The following AFG2A variants were observed in gnomAD, a reference collection of about 807,000 sequenced individuals.
AFG2A encodes the protein AAA ATPase AFG2A.
At chr4:123,294,771 A>G in the AFG2A span, among the ~76,000 whole-genome samples, 1 of 152,230 alleles carries the variant, frequency 6.6e-6, no homozygotes, top group Non-Finnish European at 1.5e-5. Context: ...AGTGATACTT[A>G]AAAGACATGA....
At chr4:122,958,103 T>C in the AFG2A span, among the ~76,000 whole-genome samples, 6 of 152,230 alleles carry the variant, frequency 3.9e-5, no homozygotes, top group Admixed American at 3.9e-4. Context: ...ATCTCTGCTT[T>C]GCGCTGAGGA....
chr4:123,186,862 A>G, the AFG2A span, among the ~76,000 whole-genome samples: 1 of 152,082 alleles, frequency 6.6e-6, no homozygotes, highest in African/African-American at 2.4e-5. Context: ...GGGAATATAG[A>G]TATGTGGGGT....
chr4:123,226,617 T>A, the AFG2A span, among the ~76,000 whole-genome samples: 4 of 152,200 alleles, frequency 2.6e-5, no homozygotes, highest in Admixed American at 2.6e-4. Context: ...TTTGCCAGTA[T>A]TTTATTGAAG....
the AFG2A span, among the ~76,000 whole-genome samples, chr4:123,202,424 C>T: frequency 6.6e-6 from 1 of 151,952 alleles, no homozygotes; most frequent in East Asian, 1.9e-4. Context: ...AATTTTATGG[C>T]CAGCAGATGA....
At chr4:123,204,990 G>A in the AFG2A span, among the ~76,000 whole-genome samples, 1 of 152,192 alleles carries the variant, frequency 6.6e-6, no homozygotes, top group East Asian at 1.9e-4. Context: ...AGAGTGGGTA[G>A]TTAAATATTT....
chr4:122,925,182 T>A, the AFG2A span, among the ~76,000 whole-genome samples: 1 of 152,150 alleles, frequency 6.6e-6, no homozygotes, highest in East Asian at 1.9e-4. Flanking sequence ...CTAAATCATG[T>A]TTATTACCTA....
At chr4:123,078,690 A>G in the AFG2A span, among the ~76,000 whole-genome samples, 21,997 of 152,122 alleles carry the variant, frequency 0.14, 2,041 homozygotes, top group East Asian at 0.46. Flanking sequence ...TAGAATGGAG[A>G]TGGCTACCAA....
the AFG2A span, among the ~76,000 whole-genome samples, chr4:123,269,867 A>G: frequency 6.6e-6 from 1 of 152,202 alleles, no homozygotes; most frequent in African/African-American, 2.4e-5. Context: ...GCCAAGCTGG[A>G]GTGCAGTGGC....
the AFG2A span, among the ~76,000 whole-genome samples, chr4:123,236,091 A>C: frequency 1.3e-5 from 2 of 152,136 alleles, no homozygotes; most frequent in Non-Finnish European, 2.9e-5. Flanking sequence ...TCCTTTGGGT[A>C]ATGTATTTTT....
the AFG2A span, among the ~76,000 whole-genome samples, chr4:122,966,663 T>C: frequency 6.6e-6 from 1 of 152,246 alleles, no homozygotes. Context: ...AAATGATTTC[T>C]GTGAGAGTCA....
chr4:123,246,828 T>C, the AFG2A span, among the ~76,000 whole-genome samples: 1 of 152,252 alleles, frequency 6.6e-6, no homozygotes, highest in African/African-American at 2.4e-5. Flanking sequence ...TCTTTGCTTA[T>C]AATATTCATT....
the AFG2A span, among the ~76,000 whole-genome samples, chr4:123,042,547 T>G: frequency 2.6e-5 from 4 of 152,194 alleles, no homozygotes; most frequent in African/African-American, 9.6e-5. Context: ...GGTGGTCTCG[T>G]TTTCATCAGG....
At chr4:123,314,362 C>T in the AFG2A span, 1 of 184,120 alleles carries the variant, frequency 5.4e-6, no homozygotes, top group Admixed American at 6.1e-5. Flanking sequence ...TTTCTTTTTC[C>T]AGAATCTGTT....
the AFG2A span, chr4:123,314,110 T>G: frequency 3.5e-6 from 5 of 1,436,800 alleles, no homozygotes; most frequent in Non-Finnish European, 4.6e-6. Flanking sequence ...CCAGAGAAAA[T>G]TTGTTTCTTT....
chr4:123,170,190 T>G, the AFG2A span, among the ~76,000 whole-genome samples: 4 of 152,196 alleles, frequency 2.6e-5, no homozygotes, highest in African/African-American at 9.6e-5. Flanking sequence ...AATTACCTCC[T>G]TTTCCTAATC....
the AFG2A span, among the ~76,000 whole-genome samples, chr4:123,227,916 T>G: frequency 3.3e-5 from 5 of 152,174 alleles, no homozygotes; most frequent in African/African-American, 9.6e-5. Context: ...GCATATATAT[T>G]TAGGATAGTT....
At chr4:123,024,714 C>G in the AFG2A span, among the ~76,000 whole-genome samples, 1 of 152,240 alleles carries the variant, frequency 6.6e-6, no homozygotes, top group Non-Finnish European at 1.5e-5. Context: ...TCTTCTAGTT[C>G]AGATTCTGGT....
the AFG2A span, among the ~76,000 whole-genome samples, chr4:122,937,937 A>C: frequency 6.6e-6 from 1 of 152,220 alleles, no homozygotes; most frequent in Admixed American, 6.5e-5. Flanking sequence ...AGAATAGAAT[A>C]TGAAGTTAGT....
the AFG2A span, among the ~76,000 whole-genome samples, chr4:123,020,122 T>A: frequency 6.6e-6 from 1 of 152,092 alleles, no homozygotes; most frequent in Non-Finnish European, 1.5e-5. Context: ...CTTTTTTTCT[T>A]GACCACAGCT....
Sources: gnomAD v4.1 joint callset for allele counts (sites outside exome capture counted in the v4.1 genomes callset) on GRCh38, gnomAD v4.1.1 for gene constraint, MANE v1.5 for transcripts, NCBI Gene and HGNC (gene_info 2026-07-23, HGNC 2026-07-21) for gene names.